CPA6: variants seen among roughly 807,000 people sequenced by gnomAD.
CPA6 encodes carboxypeptidase B.
Under a neutral mutation model 63.3 loss-of-function variants are expected in CPA6, and 58 were observed. The observed-to-expected ratio is 0.92, with a 90% CI of 0.74 to 1.14. The LOEUF (loss-of-function observed/expected upper bound fraction) is 1.14. CPA6 is among the 50% of genes most tolerant of loss of function. The pLI is 0.00. For missense variants in CPA6, 565 were observed against 526.6 expected, an observed-to-expected ratio of 1.07 and a Z score of -0.71; for synonymous variants, 185 against 179.0, an observed-to-expected ratio of 1.03 and a Z score of -0.27.
chr8:67,431,899 A>G (rs1228426118), intron 9 of CPA6, among the ~76,000 whole-genome samples: 1 of 152,220 alleles, frequency 6.6e-6, no homozygotes, highest in Non-Finnish European at 1.5e-5. Flanking sequence ...AGAAATTCCT[A>G]AAGCCCCAAG....
intron 2 of CPA6, among the ~76,000 whole-genome samples, chr8:67,551,546 A>G (rs2128972885): frequency 6.6e-6 from 1 of 152,264 alleles, no homozygotes; most frequent in Admixed American, 6.5e-5. Flanking sequence ...AGTTTTTCCT[A>G]GTTCTGTGAA....
chr8:67,550,697 T>C (rs1812920050), intron 2 of CPA6, among the ~76,000 whole-genome samples: 1 of 152,064 alleles, frequency 6.6e-6, no homozygotes, highest in African/African-American at 2.4e-5. Flanking sequence ...CTTGGCAGCA[T>C]CTTGTTATTT....
At chr8:67,546,677 G>C (rs569780341) in intron 2 of CPA6, among the ~76,000 whole-genome samples, 36 of 152,246 alleles carry the variant, frequency 2.4e-4, no homozygotes, top group African/African-American at 7.0e-4. Context: ...TGGAGTCTAG[G>C]AATTTACACT....
At chr8:67,437,048 T>C (rs56241620) in intron 8 of CPA6, among the ~76,000 whole-genome samples, 1 of 152,194 alleles carries the variant, frequency 6.6e-6, no homozygotes, top group East Asian at 1.9e-4. Flanking sequence ...AATCTCATCC[T>C]GGAGATGCCT....
intron 1 of CPA6, among the ~76,000 whole-genome samples, chr8:67,719,148 T>G (rs1817443150): frequency 6.6e-6 from 1 of 152,170 alleles, no homozygotes; most frequent in Middle Eastern, 3.2e-3. Context: ...TGAAGCCCTA[T>G]GAAAGGCATA....
chr8:67,702,204 T>C (rs1331826750), intron 1 of CPA6, among the ~76,000 whole-genome samples: 1 of 151,982 alleles, frequency 6.6e-6, no homozygotes, highest in Non-Finnish European at 1.5e-5. Flanking sequence ...GCATGTTTGT[T>C]ATCTGTACCA....
chr8:67,478,652 T>A (rs931120812), intron 8 of CPA6, among the ~76,000 whole-genome samples: 7 of 152,348 alleles, frequency 4.6e-5, no homozygotes, highest in African/African-American at 1.7e-4. Context: ...AGTGTTGTAC[T>A]AAGAAAAGTA....
intron 2 of CPA6, among the ~76,000 whole-genome samples, chr8:67,573,321 G>T (rs1813533832): frequency 6.6e-6 from 1 of 152,186 alleles, no homozygotes; most frequent in Admixed American, 6.5e-5. Context: ...CAGGAAAGAA[G>T]AAGTTAAATT....
chr8:67,550,649 C>T (rs116532222), intron 2 of CPA6, among the ~76,000 whole-genome samples: 2,160 of 152,286 alleles, frequency 0.014, 42 homozygotes, highest in African/African-American at 0.046. Flanking sequence ...ATTTATATTC[C>T]GACCAGCTGG....
At chr8:67,471,893 T>A (rs1662113384) in intron 8 of CPA6, among the ~76,000 whole-genome samples, 1 of 152,166 alleles carries the variant, frequency 6.6e-6, no homozygotes, top group Admixed American at 6.5e-5. Context: ...CAATAATGCT[T>A]ATGAGATGAT....
rs548249455 is a variant in CPA6, at chr8:67,535,088, C to T, written c.193-17041G>A. Among the ~76,000 whole-genome samples the T allele has an allele frequency of 1.1e-4, 16 of 152,250 alleles. No homozygotes were observed. The East Asian group carries it at 3.1e-3, about 29-fold the overall frequency. ...AGTATTCCATGGTGTATATGTGCCA[C>T]ATTTTCTTTATCCAGTCTATCACTG... On this transcript the variant is annotated intron_variant, in intron 2 of 10. Coordinates refer to ENST00000297770, the MANE Select transcript of CPA6 (RefSeq NM_020361.5).
At chr8:67,440,466 G>A (rs182723276) in intron 8 of CPA6, among the ~76,000 whole-genome samples, 10 of 152,254 alleles carry the variant, frequency 6.6e-5, no homozygotes, top group African/African-American at 2.2e-4. Context: ...AGCTACTCAG[G>A]AGGCTGAGGT....
intron 3 of CPA6, among the ~76,000 whole-genome samples, chr8:67,513,125 C>A (rs1812075491): frequency 6.6e-6 from 1 of 152,130 alleles, no homozygotes; most frequent in South Asian, 2.1e-4. Context: ...TTGGTTAAGT[C>A]CCTGATGGCT....
At chr8:67,565,919 G>T (rs150705536) in intron 2 of CPA6, among the ~76,000 whole-genome samples, 1 of 152,124 alleles carries the variant, frequency 6.6e-6, no homozygotes, top group East Asian at 1.9e-4. Context: ...GGATAACAAG[G>T]GTCACCATGA....
intron 8 of CPA6, among the ~76,000 whole-genome samples, chr8:67,451,227 G>A (rs1353949589): frequency 6.6e-6 from 1 of 152,220 alleles, no homozygotes; most frequent in Non-Finnish European, 1.5e-5. Flanking sequence ...AGTGGCATGT[G>A]AGCAAGCAAA....
intron 6 of CPA6, among the ~76,000 whole-genome samples, chr8:67,492,344 T>TC: frequency 6.6e-6 from 1 of 152,270 alleles, no homozygotes; most frequent in East Asian, 1.9e-4. Flanking sequence ...AAAAAAATAT[T>TC]GGAAGCTGAT....
chr8:67,609,959 T>A (rs1246936013), intron 2 of CPA6, among the ~76,000 whole-genome samples: 1 of 151,964 alleles, frequency 6.6e-6, no homozygotes, highest in Non-Finnish European at 1.5e-5. Context: ...GAGGTGGAGG[T>A]TGCAGTGAGC....
At chr8:67,558,943 T>C (rs1350580962) in intron 2 of CPA6, among the ~76,000 whole-genome samples, 1 of 152,166 alleles carries the variant, frequency 6.6e-6, no homozygotes, top group Non-Finnish European at 1.5e-5. Flanking sequence ...GTGAAATTGG[T>C]GAAATCTTCT....
intron 2 of CPA6, among the ~76,000 whole-genome samples, chr8:67,527,270 C>G (rs996460190): frequency 6.6e-5 from 10 of 152,142 alleles, no homozygotes; most frequent in Non-Finnish European, 1.3e-4. Context: ...AAATTCTGAC[C>G]CTTTTCTGGG....
Sources: gnomAD v4.1 joint callset for allele counts (sites outside exome capture counted in the v4.1 genomes callset) on GRCh38, gnomAD v4.1.1 for gene constraint, MANE v1.5 for transcripts, NCBI Gene and HGNC (gene_info 2026-07-23, HGNC 2026-07-21) for gene names.